Variants in KCNQ5 observed in about 807,000 individuals in gnomAD.
KCNQ5 encodes potassium voltage-gated channel subfamily Q member 5.
A neutral mutation model predicts 98.2 loss-of-function variants in KCNQ5; 30 were observed. The ratio of observed to expected loss-of-function variants is 0.31; its 90% CI spans 0.23 to 0.41. The LOEUF is 0.41. KCNQ5 is among the 10% of genes least tolerant of loss of function. The pLI, the probability that KCNQ5 is intolerant of heterozygous loss-of-function variation, is 1.00. For missense variants in KCNQ5, 835 were observed against 1,182.5 expected, an observed-to-expected ratio of 0.71 and a Z score of 4.31; for synonymous variants, 458 against 449.4, an observed-to-expected ratio of 1.02 and a Z score of -0.24.
At chr6:72,704,176 G>A (rs1768959997) in intron 1 of KCNQ5, among the ~76,000 whole-genome samples, 1 of 152,050 alleles carries the variant, frequency 6.6e-6, no homozygotes, top group African/African-American at 2.4e-5. Flanking sequence ...TTTGGGCAAG[G>A]TCATTTCCTA....
chr6:73,120,950 G>A (rs1775722184), intron 8 of KCNQ5, among the ~76,000 whole-genome samples: 1 of 152,138 alleles, frequency 6.6e-6, no homozygotes, highest in South Asian at 2.1e-4. Flanking sequence ...CCCAAGAGAT[G>A]AGTGCTTAGA....
chr6:72,801,835 C>T (rs1774676857), intron 1 of KCNQ5, among the ~76,000 whole-genome samples: 1 of 151,184 alleles, frequency 6.6e-6, no homozygotes, highest in Non-Finnish European at 1.5e-5. Flanking sequence ...GTGACAAAAT[C>T]TCTCAGCATT....
At chr6:72,657,267 T>C (rs771243417) in intron 1 of KCNQ5, among the ~76,000 whole-genome samples, 2 of 152,118 alleles carry the variant, frequency 1.3e-5, no homozygotes, top group Non-Finnish European at 2.9e-5. Context: ...AATGATGGCA[T>C]GGGAGACCAC....
At chr6:72,876,646 A>T (rs1361943098) in intron 1 of KCNQ5, among the ~76,000 whole-genome samples, 1 of 152,238 alleles carries the variant, frequency 6.6e-6, no homozygotes, top group African/African-American at 2.4e-5. Flanking sequence ...TTAACAAAAA[A>T]GATATAAATC....
chr6:73,116,811 A>G (rs1775517594), intron 7 of KCNQ5, among the ~76,000 whole-genome samples: 1 of 152,190 alleles, frequency 6.6e-6, no homozygotes, highest in South Asian at 2.1e-4. Context: ...ATAGCCTAAA[A>G]CTTTCAGGAC....
intron 1 of KCNQ5, among the ~76,000 whole-genome samples, chr6:72,915,794 T>A (rs953750178): frequency 3.3e-5 from 5 of 152,218 alleles, no homozygotes; most frequent in African/African-American, 1.2e-4. Flanking sequence ...ATTGTATGTC[T>A]GTTTTCACAT....
chr6:72,821,565 A>G (rs1433968528), intron 1 of KCNQ5, among the ~76,000 whole-genome samples: 1 of 151,912 alleles, frequency 6.6e-6, no homozygotes, highest in Non-Finnish European at 1.5e-5. Context: ...CCTTCTGAAT[A>G]GTATTTGTGA....
chr6:72,896,465 G>A (rs935329258), intron 1 of KCNQ5, among the ~76,000 whole-genome samples: 1 of 151,834 alleles, frequency 6.6e-6, no homozygotes, highest in African/African-American at 2.4e-5. Flanking sequence ...AGTGGGTCTC[G>A]AATTTCAATT....
intron 1 of KCNQ5, among the ~76,000 whole-genome samples, chr6:72,998,913 G>T (rs1050764338): frequency 2.0e-5 from 3 of 152,164 alleles, no homozygotes; most frequent in African/African-American, 7.2e-5. Context: ...CTGTTGATTT[G>T]ACTGTTGTAT....
At chr6:72,770,722 T>C (rs1213445088) in intron 1 of KCNQ5, among the ~76,000 whole-genome samples, 1 of 152,180 alleles carries the variant, frequency 6.6e-6, no homozygotes, top group Non-Finnish European at 1.5e-5. Context: ...ACTAATTTAG[T>C]ATTTGCATGC....
intron 1 of KCNQ5, among the ~76,000 whole-genome samples, chr6:72,686,716 TG>T (rs372739141): frequency 0.025 from 3,646 of 143,458 alleles, 60 homozygotes; most frequent in Middle Eastern, 0.043. Context: ...CTTTATGGGT[TG>T]TTTTTTTTTT....
intron 1 of KCNQ5, among the ~76,000 whole-genome samples, chr6:72,828,749 A>C (rs12193189): frequency 0.24 from 36,669 of 151,714 alleles, 4,685 homozygotes; most frequent in South Asian, 0.46. Flanking sequence ...TTTCTCCTTT[A>C]TAATGTGGAT....
intron 1 of KCNQ5, among the ~76,000 whole-genome samples, chr6:72,656,404 T>C (rs1220695147): frequency 5.3e-5 from 8 of 152,222 alleles, no homozygotes; most frequent in African/African-American, 1.9e-4. Flanking sequence ...CAGGAGCAAT[T>C]GGTATATTTG....
Position 72,622,581 on chromosome 6 carries a change from C to G in KCNQ5, c.392C>G (p.Ala131Gly). 1 of 1,612,622 alleles carries G rather than the reference C, an allele frequency of 6.2e-7. No individual in the cohort carries two copies. Among genetic ancestry groups the G allele is most frequent in the Non-Finnish European group, 8.5e-7 (1 of 1,179,524 alleles). The change falls in exon 1 of 14, where the codon GCT becomes GGT. Residue 131 changes from alanine (A) to glycine (G), a missense_variant. Physicochemically the swap from Ala to Gly is moderately conservative, Grantham distance 60. This residue lies in a region of KCNQ5 where 19 missense variants were observed against 29.6 expected (regional missense o/e 0.64). Transcript: ENST00000370398. This position sits in a 1 kb window ranked among gnomAD's most constrained non-coding sequence, Gnocchi z 6.0. ...CGCGGCTGGGCGTTCATCTACCACG[C>G]TTTCGTGTGAGTACCCGCGCCCCCT... ...RPRGWAFIYH[A>G]FVFLLVFGCL... is the part of the protein sequence containing the mutation.
At chr6:72,923,989 G>A (rs951952251) in intron 1 of KCNQ5, among the ~76,000 whole-genome samples, 2 of 152,098 alleles carry the variant, frequency 1.3e-5, no homozygotes, top group African/African-American at 4.8e-5. Flanking sequence ...AGAAAAAAAG[G>A]TATTGAAATA....
At chr6:72,987,819 A>G (rs551160829) in intron 1 of KCNQ5, 2 of 367,774 alleles carry the variant, frequency 5.4e-6, no homozygotes, top group Admixed American at 3.4e-5. Context: ...TGGAGATTAC[A>G]AGTTTTTTTT....
intron 9 of KCNQ5, 195 bp downstream of exon 9, chr6:73,124,707 A>C: frequency 1.7e-6 from 1 of 589,290 alleles, no homozygotes; most frequent in South Asian, 2.1e-5. Flanking sequence ...TCCCTAACTC[A>C]CTCCCTGCTT....
At chr6:73,191,497 C>T (rs1000027256) in intron 12 of KCNQ5, among the ~76,000 whole-genome samples, 3 of 152,112 alleles carry the variant, frequency 2.0e-5, no homozygotes, top group African/African-American at 7.2e-5. Flanking sequence ...TTTTAAGAGC[C>T]TTGCTTTATT....
At chr6:72,738,348 T>A (rs1770958791) in intron 1 of KCNQ5, among the ~76,000 whole-genome samples, 1 of 152,130 alleles carries the variant, frequency 6.6e-6, no homozygotes, top group Non-Finnish European at 1.5e-5. Flanking sequence ...TCCCAGAGAC[T>A]TCATTATAGA....
Sources: allele counts gnomAD v4.1 joint callset (sites outside exome capture counted in the v4.1 genomes callset), GRCh38; gene constraint gnomAD v4.1.1; regional missense constraint gnomAD v4.1.1; non-coding constraint Gnocchi (gnomAD v3.1); transcripts MANE v1.5; gene names NCBI Gene and HGNC (gene_info 2026-07-23, HGNC 2026-07-21).